The following SRCAP variants were observed in gnomAD, a reference collection of about 807,000 sequenced individuals.
SRCAP encodes the protein chromatin remodeling protein SRCAP.
SRCAP carries 46 observed loss-of-function variants against 263.1 expected under a neutral mutation model. The ratio of observed to expected loss-of-function variants is 0.17; its 90% confidence interval spans 0.14 to 0.22. The LOEUF is 0.22. SRCAP is among the 10% of genes least tolerant of loss of function. SRCAP has a pLI of 1.00. For missense variants in SRCAP, 3,695 were observed against 4,181.9 expected (o/e 0.88, Z 3.21); for synonymous variants, 1,813 against 1,662.1 (o/e 1.09, Z -2.21).
At chr16:30,701,191 G>C (rs1447427512) in intron 3 of SRCAP, 1 of 304,002 alleles carries the variant, frequency 3.3e-6, no homozygotes, top group Non-Finnish European at 6.5e-6. Flanking sequence ...ATCAGTACTG[G>C]AGTAGGATAA....
At chr16:30,730,607 T>TG in intron 27 of SRCAP, among the ~76,000 whole-genome samples, 1 of 152,232 alleles carries the variant, frequency 6.6e-6, no homozygotes, top group South Asian at 2.1e-4. Context: ...AATTTTTGTA[T>TG]TTTTAGTAGA....
intron 30 of SRCAP, 30 bp from the exon 31 acceptor site, chr16:30,734,464 ACT>A (rs1157651269): frequency 1.2e-6 from 2 of 1,612,538 alleles, no homozygotes; most frequent in African/African-American, 2.7e-5. Context: ...CATTCTGTTG[ACT>A]CTGACACTTC....
intron 31 of SRCAP, among the ~76,000 whole-genome samples, chr16:30,735,298 C>A (rs1224407750): frequency 1.3e-5 from 2 of 150,752 alleles, no homozygotes; most frequent in Non-Finnish European, 3.0e-5. Context: ...AGGCGCCCGC[C>A]ACTACGCCCG....
chr16:30,704,376 C>A, intron 4 of SRCAP, 61 bp downstream of exon 4: 1 of 1,512,884 alleles, frequency 6.6e-7, no homozygotes, highest in Non-Finnish European at 8.9e-7. Context: ...CTCCCACGTC[C>A]TCTTGAGTAT....
chr16:30,705,674 C>T (rs569181279), intron 4 of SRCAP, among the ~76,000 whole-genome samples: 2 of 149,516 alleles, frequency 1.3e-5, no homozygotes, highest in Non-Finnish European at 3.0e-5. Context: ...GCTGGGATTA[C>T]AGGCATGAGC....
At chr16:30,708,898 A>G (rs762777685) in intron 6 of SRCAP, among the ~76,000 whole-genome samples, 1 of 152,152 alleles carries the variant, frequency 6.6e-6, no homozygotes, top group Non-Finnish European at 1.5e-5. Context: ...GGCTTACTGC[A>G]ACCTCTGCCT....
Position 30,737,736 on chromosome 16 carries a change from C to G in SRCAP, c.7696C>G (p.Leu2566Val). The G allele has an allele frequency of 6.2e-7, 1 of 1,614,226 alleles. No homozygotes were observed. The highest frequency in any genetic ancestry group is 8.5e-7 in the Non-Finnish European group (1 of 1,180,048). ...QALASPESLE[L>V]ASVASSETSS... ...ATTGGCATCTCCAGAGTCCCTGGAG[C>G]TGGCTTCTGTGGCCAGTTCAGAAAC... The change falls in exon 34 of 34, where the codon CTG (leucine) becomes GTG (valine). Residue 2566 changes from leucine to valine, a missense_variant. By Grantham distance (32) the Leu-to-Val change is conservative. Around this residue, in one of 12 missense-constraint regions of SRCAP, gnomAD observed 1,207 missense variants for 1,142.9 expected, o/e 1.06. Transcript: ENST00000262518.
Position 30,709,677 on chromosome 16 carries a change from C to G in SRCAP, c.798C>G (p.Leu266=). Reference sequence around the variant, plus strand: ...GCAAAGCAGGCTCTTCCCCTTGCCTCGGCTCTTCCTCAGCTGCCTCCAGTC... The same window carrying G: ...GCAAAGCAGGCTCTTCCCCTTGCCTGGGCTCTTCCTCAGCTGCCTCCAGTC... ...TSSKAGSSPC[L]GSSSAASSPP... Residue 266 remains leucine (L), a synonymous_variant, in exon 7 of 34, where the codon CTC becomes CTG. Transcript: ENST00000262518. 1.2e-6 allele frequency: 2 copies of G among 1,614,182 alleles called. No homozygotes were observed. The highest frequency in any genetic ancestry group is 1.7e-6 in the Non-Finnish European group (2 of 1,180,044).
chr16:30,713,019 C>T (rs2052909026), intron 14 of SRCAP, among the ~76,000 whole-genome samples, 189 bp from the exon 15 acceptor site: 1 of 152,142 alleles, frequency 6.6e-6, no homozygotes, highest in Non-Finnish European at 1.5e-5. Context: ...CTCAACCTCC[C>T]AAAGTACTGA....
chr16:30,711,099 C>T lies in SRCAP; in HGVS notation c.1318+11C>T. 2 of 1,606,916 alleles carry T rather than the reference C, an allele frequency of 1.2e-6. No individual in the cohort carries two copies. The highest frequency in any genetic ancestry group is 2.2e-5 in the East Asian group (1 of 44,726). On this transcript the variant is annotated intron_variant, in intron 10 of 33. Transcript: ENST00000262518. The stretch of plus-strand genomic sequence containing the variant: ...AGTTGGCTCGAGAAGGTGACATTTA[C>T]CAGACATTTTACTAAGCATCCACTT...
chr16:30,705,532 T>C (rs2052817327), intron 4 of SRCAP, among the ~76,000 whole-genome samples: 1 of 150,914 alleles, frequency 6.6e-6, no homozygotes, highest in South Asian at 2.1e-4. Context: ...CCTGAGTAGC[T>C]AGGACTACAG....
rs1260962818 is a variant in SRCAP at position 30,716,099 on chromosome 16, G to A, written c.2527G>A (p.Val843Met). 2.5e-6 allele frequency: 4 copies of A among 1,614,188 alleles called. No homozygotes were observed. Among genetic ancestry groups the A allele is most frequent in the Non-Finnish European group, 3.4e-6 (4 of 1,180,042 alleles). ...GCCTTTTTTACTGCGCCGAGTTAAG[G>A]TGGATGTTGAGAAGCAGATGCCCAA... ...LRPFLLRRVK[V>M]DVEKQMPKKY... Residue 843 changes from valine to methionine, a missense_variant, in exon 17 of 34, where the codon GTG (valine) becomes ATG (methionine). Val to Met is a conservative substitution (Grantham distance 21). Coordinates refer to ENST00000262518, the MANE Select transcript of SRCAP (RefSeq NM_006662.3).
intron 25 of SRCAP, chr16:30,725,317 G>A (rs2053053923): frequency 1.2e-5 from 9 of 781,742 alleles, no homozygotes; most frequent in South Asian, 9.8e-5. Context: ...CACCACGCCC[G>A]GCCTCTTTTC....
rs767103262 is a variant in SRCAP at position 30,704,160 on chromosome 16, A to G, written c.151A>G (p.Ile51Val). 8 of 1,614,064 alleles carry G rather than the reference A, an allele frequency of 5.0e-6. No homozygotes were observed. The East Asian group carries it at 6.7e-5, about 13-fold the overall frequency. ...SGAGGISPQH[I>V]AQDSSLDGPP... ...GGCAGGCGGCATCTCCCCGCAGCAC[A>G]TAGCTCAAGATTCCTCACTGGATGG... Residue 51 changes from isoleucine (I) to valine (V), a missense_variant, in exon 4 of 34, where the codon ATA (isoleucine) becomes GTA (valine). Physicochemically the swap from Ile to Val is conservative, Grantham distance 29 (BLOSUM62 3). Around this residue, in one of 12 missense-constraint regions of SRCAP, gnomAD observed 122 missense variants for 116.9 expected, o/e 1.04. Transcript: ENST00000262518.
chr16:30,736,593 A>G lies in SRCAP; in HGVS notation c.6977A>G (p.Glu2326Gly), dbSNP rs1028295006. Reference protein sequence around the residue: ...AMKFLEASLEEVSREELKQAE... With the variant: ...AMKFLEASLEGVSREELKQAE... ...AAATTCCTGGAGGCCTCACTGGAGGAGGTGAGCCGAGAGGAGCTCAAACAG... is the reference window on the plus strand; with the variant it reads ...AAATTCCTGGAGGCCTCACTGGAGGGGGTGAGCCGAGAGGAGCTCAAACAG... The change falls in exon 33 of 34, where the codon GAG becomes GGG. Residue 2326 changes from glutamate to glycine, a missense_variant. By Grantham distance (98) the Glu-to-Gly change is moderately conservative (BLOSUM62 -2). Coordinates refer to ENST00000262518, the MANE Select transcript of SRCAP (RefSeq NM_006662.3). The G allele has an allele frequency of 3.1e-6, 5 of 1,614,030 alleles. No individual in the cohort carries two copies. Among genetic ancestry groups the G allele is most frequent in the Non-Finnish European group, 3.4e-6 (4 of 1,180,008 alleles).
chr16:30,713,161 C>G lies in SRCAP; in HGVS notation c.2131-47C>G, dbSNP rs571146926. 6 of 1,587,244 alleles carry G rather than the reference C, an allele frequency of 3.8e-6. No individual in the cohort carries two copies. The African/African-American group carries it at 8.0e-5, about 21-fold the overall frequency. ...GTTTAGCATGTCTTCCCTTTGCTCT[C>G]TTCTTTTCATCCCACTATCTGCTAC... On this transcript the variant is annotated intron_variant, in intron 14 of 33. Transcript: ENST00000262518.
At chr16:30,726,082 C>T (rs1489557147) in intron 25 of SRCAP, 1 of 152,164 alleles carries the variant, frequency 6.6e-6, no homozygotes, top group Admixed American at 6.5e-5. Flanking sequence ...GACTACCATC[C>T]TACTTTTTTA....
At chr16:30,735,643 C>T (rs1390387915) in intron 31 of SRCAP, among the ~76,000 whole-genome samples, 17 of 127,608 alleles carry the variant, frequency 1.3e-4, no homozygotes, top group Admixed American at 2.7e-4. Flanking sequence ...TGCAGTGGCG[C>T]GATCTCGGCT....
intron 33 of SRCAP, 80 bp downstream of exon 33, chr16:30,736,704 G>A (rs191851049): frequency 2.3e-5 from 34 of 1,472,418 alleles, no homozygotes; most frequent in Non-Finnish European, 2.8e-5. Flanking sequence ...AGACAGTCTC[G>A]CTCTGTCGCC....
Sources: gnomAD v4.1 joint callset for allele counts (sites outside exome capture counted in the v4.1 genomes callset) on GRCh38, gnomAD v4.1.1 for gene constraint, gnomAD v4.1.1 regional missense constraint, MANE v1.5 for transcripts, NCBI Gene and HGNC (gene_info 2026-07-23, HGNC 2026-07-21) for gene names.